Variants in GNAO1 observed in about 807,000 individuals in gnomAD.
GNAO1 encodes G protein subunit alpha o1, also known as guanine nucleotide-binding protein G(o) subunit alpha.
For synonymous variants in GNAO1, 164 were observed against 180.7 expected (o/e 0.91, Z 0.74); for missense variants, 166 against 478.7 (o/e 0.35, Z 6.10).
chr16:56,223,560 G>A (rs2036509811), intron 2 of GNAO1, among the ~76,000 whole-genome samples: 1 of 152,226 alleles, frequency 6.6e-6, no homozygotes, highest in South Asian at 2.1e-4. Context: ...GGATTAGGAT[G>A]TGGACCTCTT....
intron 2 of GNAO1, chr16:56,213,226 A>G (rs2036406887): frequency 7.5e-6 from 3 of 398,362 alleles, no homozygotes; most frequent in Non-Finnish European, 1.3e-5. Context: ...AATGCTTTCC[A>G]TCGAGGTTAT....
intron 3 of GNAO1, among the ~76,000 whole-genome samples, chr16:56,288,964 C>G (rs552837656): frequency 6.6e-6 from 1 of 152,202 alleles, no homozygotes; most frequent in African/African-American, 2.4e-5. Flanking sequence ...CTATAAATTC[C>G]CCTGGCAGAA....
At chr16:56,215,671 G>A (rs1316025401) in intron 2 of GNAO1, among the ~76,000 whole-genome samples, 4 of 152,192 alleles carry the variant, frequency 2.6e-5, no homozygotes, top group African/African-American at 7.2e-5. Context: ...GGGGCACAGT[G>A]AATATTCAGG....
intron 2 of GNAO1, among the ~76,000 whole-genome samples, chr16:56,228,968 G>C (rs2036561132): frequency 6.6e-6 from 1 of 152,194 alleles, no homozygotes; most frequent in Admixed American, 6.5e-5. Context: ...TGAGAGCAAG[G>C]ATTATCTTTT....
At chr16:56,318,837 A>G (rs1374765796) in intron 3 of GNAO1, among the ~76,000 whole-genome samples, 1 of 152,200 alleles carries the variant, frequency 6.6e-6, no homozygotes, top group Admixed American at 6.5e-5. Flanking sequence ...TAACATTGGC[A>G]GGCTTCTTTC....
chr16:56,269,278 C>T (rs1295697257), intron 2 of GNAO1, among the ~76,000 whole-genome samples: 1 of 152,068 alleles, frequency 6.6e-6, no homozygotes, highest in African/African-American at 2.4e-5. Flanking sequence ...GGCTTGTTAA[C>T]CCTTGCTGCT....
intron 2 of GNAO1, among the ~76,000 whole-genome samples, chr16:56,230,984 A>G (rs967259758): frequency 4.6e-5 from 7 of 152,174 alleles, no homozygotes; most frequent in Admixed American, 2.0e-4. Context: ...TGTCCCTGTC[A>G]GGAGACAGCT....
intron 4 of GNAO1, among the ~76,000 whole-genome samples, chr16:56,331,648 A>G (rs1330235841): frequency 6.6e-6 from 1 of 152,116 alleles, no homozygotes; most frequent in African/African-American, 2.4e-5. Flanking sequence ...GCAACTGGTG[A>G]TGGGGGAGGT....
At chr16:56,327,976 GC>G (rs1230260713) in intron 3 of GNAO1, among the ~76,000 whole-genome samples, 2 of 152,118 alleles carry the variant, frequency 1.3e-5, no homozygotes, top group Non-Finnish European at 2.9e-5. Flanking sequence ...CAGTCCAAGG[GC>G]CAAAGTTCTT....
intron 3 of GNAO1, among the ~76,000 whole-genome samples, chr16:56,320,206 G>C (rs1199860331): frequency 1.3e-5 from 2 of 152,092 alleles, no homozygotes; most frequent in Non-Finnish European, 2.9e-5. Flanking sequence ...CCCCATAGAA[G>C]AGTCCCATCC....
intron 3 of GNAO1, among the ~76,000 whole-genome samples, chr16:56,313,617 TTTTAC>T (rs1474376924): frequency 6.6e-6 from 1 of 152,190 alleles, no homozygotes; most frequent in Non-Finnish European, 1.5e-5. Flanking sequence ...GGAAGGAGTA[TTTTAC>T]TAGCCTTTTC....
chr16:56,298,879 C>T (rs1348362649), intron 3 of GNAO1, among the ~76,000 whole-genome samples: 2 of 148,904 alleles, frequency 1.3e-5, no homozygotes, highest in African/African-American at 5.0e-5. Context: ...CATGCCACTG[C>T]ACTCCAGCCT....
At chr16:56,245,781 T>A (rs2036738113) in intron 2 of GNAO1, among the ~76,000 whole-genome samples, 1 of 152,136 alleles carries the variant, frequency 6.6e-6, no homozygotes, top group African/African-American at 2.4e-5. Flanking sequence ...TGTCAAAACA[T>A]GGCCCATGGA....
chr16:56,262,487 C>T (rs138925270), intron 2 of GNAO1, among the ~76,000 whole-genome samples: 10 of 152,186 alleles, frequency 6.6e-5, no homozygotes, highest in East Asian at 1.9e-4. Flanking sequence ...CACATCTAGG[C>T]GCTAATGAGC....
chr16:56,245,487 C>G (rs1282556077), intron 2 of GNAO1: 1 of 154,792 alleles, frequency 6.5e-6, no homozygotes, highest in East Asian at 1.9e-4. Flanking sequence ...AGGCATTGCC[C>G]TAAGTATTTG....
At chr16:56,329,020 A>G in intron 4 of GNAO1, 1 of 521,776 alleles carries the variant, frequency 1.9e-6, no homozygotes, top group Non-Finnish European at 3.4e-6. Flanking sequence ...AGAGACAACC[A>G]AACAGTGGAA....
At chr16:56,305,110 C>T (rs1253865924) in intron 3 of GNAO1, among the ~76,000 whole-genome samples, 1 of 152,238 alleles carries the variant, frequency 6.6e-6, no homozygotes, top group Non-Finnish European at 1.5e-5. Flanking sequence ...CATTTCTCCT[C>T]TGCTTCCTGA....
intron 3 of GNAO1, among the ~76,000 whole-genome samples, chr16:56,295,756 T>C (rs2037281983): frequency 6.6e-6 from 1 of 152,218 alleles, no homozygotes; most frequent in South Asian, 2.1e-4. Context: ...CAAGGTGGTC[T>C]CCCTGCCTCT....
chr16:56,303,113 G>A lies in GNAO1; in HGVS notation c.304-25518G>A, dbSNP rs527349164. ...GAAGTGGGGTCGGTGGAGAAGGGTC[G>A]CAGGATTCCTGAGCAGCTTTTGACT... is the stretch of plus-strand genomic sequence containing the variant. On this transcript the variant is annotated intron_variant, in intron 3 of 8. Transcript: ENST00000262493. Among the ~76,000 whole-genome samples the A allele has an allele frequency of 1.2e-3, 185 of 152,300 alleles. 1 individual carries two copies. The highest frequency in any genetic ancestry group is 4.3e-3 in the African/African-American group (177 of 41,560).
Sources: allele counts gnomAD v4.1 joint callset (sites outside exome capture counted in the v4.1 genomes callset), GRCh38; gene constraint gnomAD v4.1.1; transcripts MANE v1.5; gene names NCBI Gene and HGNC (gene_info 2026-07-23, HGNC 2026-07-21).